The following ZDHHC14 variants were observed in gnomAD, a reference collection of about 807,000 sequenced individuals.
ZDHHC14 encodes the protein zDHHC palmitoyltransferase 14.
ZDHHC14 carries 16 observed loss-of-function variants against 47.7 expected under a neutral mutation model. That is an observed-to-expected ratio of 0.34 (90% CI 0.23 to 0.51). The LOEUF (loss-of-function observed/expected upper bound fraction) is 0.51. Ranked by LOEUF, ZDHHC14 falls within the 20% of genes least tolerant of loss-of-function variation. The pLI, the probability that ZDHHC14 is intolerant of heterozygous loss-of-function variation, is 0.97. For missense variants in ZDHHC14, 515 were observed against 662.5 expected (o/e 0.78, Z 2.44); for synonymous variants, 293 against 278.9 (o/e 1.05, Z -0.50).
At position 157,521,411 on chromosome 6, in the gene ZDHHC14, A is replaced by G. The variant is rs188857823; in HGVS notation, c.246-21174A>G. Among the ~76,000 whole-genome samples the G allele has an allele frequency of 1.6e-3, 241 of 152,300 alleles. 3 individuals are homozygous for G. The highest frequency in any genetic ancestry group is 5.6e-3 in the African/African-American group (232 of 41,564). On this transcript the variant is annotated intron_variant, in intron 1 of 8. Transcript: ENST00000359775. ...CTTCGTCTGTTCAGGCATCTATTAC[A>G]ACAAAATACCAGGCCGTGGGTAGCT... is the stretch of plus-strand genomic sequence containing the variant.
At chr6:157,545,710 GA>G (rs1452290848) in intron 2 of ZDHHC14, among the ~76,000 whole-genome samples, 4 of 152,030 alleles carry the variant, frequency 2.6e-5, no homozygotes, top group Admixed American at 2.6e-4. Flanking sequence ...GGTGGGAAGG[GA>G]GAGAGGAAAA....
intron 1 of ZDHHC14, among the ~76,000 whole-genome samples, chr6:157,542,311 CA>C (rs1172463513): frequency 3.3e-5 from 5 of 152,176 alleles, no homozygotes; most frequent in South Asian, 2.1e-4. Context: ...ATTATACAAG[CA>C]GGACTATTTT....
intron 1 of ZDHHC14, among the ~76,000 whole-genome samples, chr6:157,426,861 G>A (rs189299594): frequency 3.5e-4 from 54 of 152,342 alleles, no homozygotes; most frequent in African/African-American, 1.1e-3. Context: ...CCATAAGAGC[G>A]TTTTCCGTGG....
At chr6:157,660,291 C>G (rs1333801872) in intron 8 of ZDHHC14, among the ~76,000 whole-genome samples, 1 of 151,432 alleles carries the variant, frequency 6.6e-6, no homozygotes, top group Admixed American at 6.6e-5. Context: ...CTCCCGAGTT[C>G]AAGCGATTCT....
intron 7 of ZDHHC14, among the ~76,000 whole-genome samples, chr6:157,652,546 G>A (rs1325490924): frequency 6.6e-6 from 1 of 151,904 alleles, no homozygotes; most frequent in African/African-American, 2.4e-5. Context: ...CTTCACTGGG[G>A]AGAAAAAAAA....
At chr6:157,468,295 G>A (rs148606968) in intron 1 of ZDHHC14, among the ~76,000 whole-genome samples, 86 of 152,282 alleles carry the variant, frequency 5.6e-4, no homozygotes, top group African/African-American at 1.9e-3. Context: ...AAGTGAATCT[G>A]GCTCTGAACG....
intron 1 of ZDHHC14, among the ~76,000 whole-genome samples, chr6:157,417,117 C>T (rs567179479): frequency 3.3e-5 from 5 of 151,216 alleles, no homozygotes; most frequent in South Asian, 2.1e-4. Context: ...CATGAGCCAC[C>T]GCGCCTGGCT....
At chr6:157,626,732 G>A (rs978331215) in intron 3 of ZDHHC14, among the ~76,000 whole-genome samples, 38 of 152,238 alleles carry the variant, frequency 2.5e-4, no homozygotes, top group African/African-American at 7.9e-4. Context: ...TACATTCTGT[G>A]GCTTTGGGCA....
intron 5 of ZDHHC14, among the ~76,000 whole-genome samples, chr6:157,644,052 T>G (rs865799968): frequency 6.6e-6 from 1 of 152,174 alleles, no homozygotes; most frequent in South Asian, 2.1e-4. Flanking sequence ...TTGTCTTCCT[T>G]GTAGCTGATC....
At chr6:157,635,365 G>T (rs1399478136) in intron 5 of ZDHHC14, among the ~76,000 whole-genome samples, 1 of 152,204 alleles carries the variant, frequency 6.6e-6, no homozygotes, top group Admixed American at 6.5e-5. Context: ...GATCCCAGAA[G>T]GGCTGTTATT....
At chr6:157,514,629 T>C (rs1780613647) in intron 1 of ZDHHC14, among the ~76,000 whole-genome samples, 1 of 152,234 alleles carries the variant, frequency 6.6e-6, no homozygotes, top group South Asian at 2.1e-4. Flanking sequence ...GTCATATAAC[T>C]GTAACAGGCC....
At chr6:157,404,769 G>T (rs961153593) in intron 1 of ZDHHC14, among the ~76,000 whole-genome samples, 1 of 151,994 alleles carries the variant, frequency 6.6e-6, no homozygotes, top group Non-Finnish European at 1.5e-5. Context: ...TTTAATTTTG[G>T]AATATTTTAG....
At chr6:157,547,140 G>C (rs1003255691) in intron 2 of ZDHHC14, among the ~76,000 whole-genome samples, 2 of 152,210 alleles carry the variant, frequency 1.3e-5, no homozygotes, top group African/African-American at 4.8e-5. Flanking sequence ...GAGGTAGAAT[G>C]CCACTTCCCC....
chr6:157,670,724 C>G (rs1778759364), intron 8 of ZDHHC14, among the ~76,000 whole-genome samples: 1 of 152,080 alleles, frequency 6.6e-6, no homozygotes, highest in Non-Finnish European at 1.5e-5. Flanking sequence ...ATTGCACTGT[C>G]CAGGCTAAAG....
chr6:157,546,286 G>A (rs1444130993), intron 2 of ZDHHC14, among the ~76,000 whole-genome samples: 5 of 152,198 alleles, frequency 3.3e-5, no homozygotes, highest in Non-Finnish European at 5.9e-5. Context: ...GTGCTATCTG[G>A]CTAAAGAAAG....
In ZDHHC14 at chr6:157,645,775, C is replaced by G; in HGVS notation, c.791C>G (p.Ser264Cys). 1 of 1,614,090 alleles carries G rather than the reference C, an allele frequency of 6.2e-7. No homozygotes were observed. Among genetic ancestry groups the G allele is most frequent in the Non-Finnish European group, 8.5e-7 (1 of 1,180,018 alleles). ...GTGGTGTGCTTCTTCTCTGTCTGGT[C>G]CATCGTTGGCCTCTCAGGATTCCAC... ...EAVVCFFSVWSIVGLSGFHTY... is the reference protein window; with the variant it reads ...EAVVCFFSVWCIVGLSGFHTY... The change falls in exon 6 of 9, where the codon TCC becomes TGC. Residue 264 changes from serine to cysteine, a missense_variant. Coordinates refer to ENST00000359775, the MANE Select transcript of ZDHHC14 (RefSeq NM_024630.3).
chr6:157,496,585 G>A (rs766662894), intron 1 of ZDHHC14, among the ~76,000 whole-genome samples: 6 of 152,162 alleles, frequency 3.9e-5, no homozygotes, highest in Non-Finnish European at 8.8e-5. Context: ...CATACACAAA[G>A]GGAAGATAAT....
chr6:157,664,348 T>C (rs1402766513), intron 8 of ZDHHC14, among the ~76,000 whole-genome samples: 2 of 152,252 alleles, frequency 1.3e-5, no homozygotes, highest in Non-Finnish European at 2.9e-5. Flanking sequence ...GTATGTCTAT[T>C]AATATTTTAT....
intron 3 of ZDHHC14, among the ~76,000 whole-genome samples, chr6:157,603,362 C>T (rs1244163759): frequency 6.6e-6 from 1 of 152,200 alleles, no homozygotes; most frequent in African/African-American, 2.4e-5. Flanking sequence ...TCAGGATGGT[C>T]ATTTTAGACC....
Sources: gnomAD v4.1 joint callset for allele counts (sites outside exome capture counted in the v4.1 genomes callset) on GRCh38, gnomAD v4.1.1 for gene constraint, MANE v1.5 for transcripts, NCBI Gene and HGNC (gene_info 2026-07-23, HGNC 2026-07-21) for gene names.